C13orf42: variants seen among roughly 807,000 people sequenced by gnomAD.
C13orf42 encodes the protein chromosome 13 open reading frame 42, also known as uncharacterized protein C13orf42.
intron 1 of C13orf42, among the ~76,000 whole-genome samples, chr13:51,139,796 G>A (rs1219934475): frequency 1.3e-5 from 2 of 152,168 alleles, no homozygotes; most frequent in Non-Finnish European, 2.9e-5. Flanking sequence ...ACCATATAAT[G>A]AAGAAATCAC....
At position 51,171,884 on chromosome 13, in the gene C13orf42, G is replaced by T. The variant is rs373825487; in HGVS notation, n.136+369C>A. 34 of 151,932 alleles carry T rather than the reference G, an allele frequency of 2.2e-4. No homozygotes were observed. In the East Asian group the frequency reaches 6.2e-3, roughly 28 times the overall value. 9.4% of individuals were successfully genotyped at this position (151,932 alleles called of 1,614,324 possible). A position where few individuals can be genotyped will look rare whatever the true frequency, so the allele number is the denominator to read the frequency against. ...CTAAAAGGTCAAAAGGCCGTCTTAT[G>T]CTCAATATACATTTTATTACCCAAT... On this transcript the variant is annotated intron_variant and non_coding_transcript_variant, in intron 1 of 4. Coordinates refer to the C13orf42 transcript ENST00000433280.
chr13:51,153,638 T>TC lies in C13orf42; in HGVS notation n.136+18614_136+18615insG, dbSNP rs1194074680. On this transcript the variant is annotated intron_variant and non_coding_transcript_variant, in intron 1 of 4. Coordinates refer to the C13orf42 transcript ENST00000433280. ...TGCTTTCTGTTTTTTTTCTTTTTTT[T>TC]TTTTTTTTTTTTTTTTTTGGAGACA... 1.4e-3 allele frequency among the ~76,000 whole-genome samples: 186 copies of TC among 132,328 alleles called. 2 individuals carry two copies. Among genetic ancestry groups the TC allele is most frequent in the African/African-American group, 4.8e-3 (169 of 35,502 alleles). 86.8% of individuals were successfully genotyped at this position (132,328 alleles called of 152,430 possible). A position where few individuals can be genotyped will look rare whatever the true frequency, so the allele number is the denominator to read the frequency against.
upstream of C13orf42, among the ~76,000 whole-genome samples, chr13:51,115,971 A>G (rs765242752): frequency 4.1e-4 from 63 of 152,104 alleles, no homozygotes; most frequent in Admixed American, 5.2e-4. Context: ...AGCAGCTCCA[A>G]ATCTCCCTGG....
upstream of C13orf42, among the ~76,000 whole-genome samples, chr13:51,114,632 A>ATAGATAGT (rs1491478675): frequency 2.0e-5 from 2 of 99,550 alleles, no homozygotes; most frequent in East Asian, 3.2e-4. Flanking sequence ...AGATAGATAG[A>ATAGATAGT]TAGATAGATA....
chr13:51,116,120 C>T (rs1953489039), upstream of C13orf42, among the ~76,000 whole-genome samples: 1 of 151,766 alleles, frequency 6.6e-6, no homozygotes, highest in Non-Finnish European at 1.5e-5. Context: ...CTGAGGTTTA[C>T]AAGACTGAAA....
intron 1 of C13orf42, chr13:51,162,071 A>G (rs561237298): frequency 3.0e-6 from 1 of 338,084 alleles, no homozygotes; most frequent in Admixed American, 3.2e-5. Flanking sequence ...TGTCAGGCCA[A>G]CCTTTACACC....
At chr13:51,133,919 C>A (rs551911436) in intron 1 of C13orf42, among the ~76,000 whole-genome samples, 2 of 152,258 alleles carry the variant, frequency 1.3e-5, no homozygotes, top group East Asian at 3.9e-4. Flanking sequence ...GGACAGGGGA[C>A]AAAAGCCAGG....
chr13:51,132,939 T>C (rs1953629539), intron 1 of C13orf42, among the ~76,000 whole-genome samples: 1 of 152,098 alleles, frequency 6.6e-6, no homozygotes, highest in Admixed American at 6.5e-5. Context: ...CCACTGGTCG[T>C]CCTCACTGCT....
chr13:51,143,608 C>T (rs1953713461), intron 1 of C13orf42, among the ~76,000 whole-genome samples: 1 of 152,120 alleles, frequency 6.6e-6, no homozygotes, highest in Non-Finnish European at 1.5e-5. Context: ...AAGGTTTTCG[C>T]TTTTTTGAAA....
At chr13:51,108,716 C>T (rs9596453) in intron 1 of C13orf42, among the ~76,000 whole-genome samples, 2,280 of 152,308 alleles carry the variant, frequency 0.015, 53 homozygotes, top group African/African-American at 0.052. Flanking sequence ...GAGAGGTGAA[C>T]TTCCCTTAAC....
intron 1 of C13orf42, among the ~76,000 whole-genome samples, chr13:51,151,690 G>A (rs1953779197): frequency 6.6e-6 from 1 of 152,230 alleles, no homozygotes; most frequent in Non-Finnish European, 1.5e-5. Context: ...AAAGCAACAT[G>A]CTATGCACTA....
At chr13:51,092,618 C>T in intron 1 of C13orf42, among the ~76,000 whole-genome samples, 1 of 151,774 alleles carries the variant, frequency 6.6e-6, no homozygotes, top group East Asian at 1.9e-4. Flanking sequence ...AACTTAGTTT[C>T]CATAAAAGAA....
chr13:51,121,841 A>C (rs1331903586), intron 1 of C13orf42, among the ~76,000 whole-genome samples: 3 of 152,092 alleles, frequency 2.0e-5, no homozygotes, highest in Non-Finnish European at 4.4e-5. Context: ...GGCCTCATAA[A>C]TTTTCTACAG....
chr13:51,116,486 G>T, intron 1 of C13orf42, among the ~76,000 whole-genome samples: 1 of 152,196 alleles, frequency 6.6e-6, no homozygotes, highest in East Asian at 1.9e-4. Flanking sequence ...CCAGGTGAAG[G>T]CCAGGTAAGC....
At chr13:51,118,945 C>T (rs761911247) in intron 1 of C13orf42, among the ~76,000 whole-genome samples, 1 of 151,906 alleles carries the variant, frequency 6.6e-6, no homozygotes, top group African/African-American at 2.4e-5. Context: ...ATGGCATGCT[C>T]TGGTGTATGG....
chr13:51,146,274 G>C (rs1566138676), intron 1 of C13orf42, among the ~76,000 whole-genome samples: 1 of 152,158 alleles, frequency 6.6e-6, no homozygotes, highest in African/African-American at 2.4e-5. Context: ...GCCTCAATCA[G>C]AGATAACACA....
At chr13:51,093,761 A>G (rs555986682) in intron 1 of C13orf42, among the ~76,000 whole-genome samples, 167 of 152,306 alleles carry the variant, frequency 1.1e-3, no homozygotes, top group Non-Finnish European at 1.8e-3. Flanking sequence ...TCATTATTTT[A>G]CTACTAGTTG....
chr13:51,102,414 C>T (rs982197635), intron 1 of C13orf42, among the ~76,000 whole-genome samples: 1 of 152,198 alleles, frequency 6.6e-6, no homozygotes, highest in Non-Finnish European at 1.5e-5. Context: ...GATATGGTCT[C>T]ATTTTATGAA....
intron 1 of C13orf42, among the ~76,000 whole-genome samples, chr13:51,149,046 G>C (rs1017655090): frequency 6.6e-6 from 1 of 152,148 alleles, no homozygotes; most frequent in Non-Finnish European, 1.5e-5. Flanking sequence ...TGATAGTTTC[G>C]AGATTCTGAA....
Sources: allele counts gnomAD v4.1 joint callset (sites outside exome capture counted in the v4.1 genomes callset), GRCh38; gene constraint gnomAD v4.1.1; transcripts MANE v1.5; gene names NCBI Gene and HGNC (gene_info 2026-07-23, HGNC 2026-07-21).